Variants in TEX36 observed in about 807,000 individuals in gnomAD.
TEX36 encodes testis expressed 36, also known as testis-expressed protein 36.
TEX36 carries 12 observed loss-of-function variants against 13.6 expected under a neutral mutation model. The observed-to-expected ratio is 0.88, with a 90% CI of 0.56 to 1.43. The LOEUF (loss-of-function observed/expected upper bound fraction) is 1.43. Among genes scored for constraint, TEX36 ranks in the 40% most tolerant of loss-of-function variants. TEX36 has a pLI of 0.00. For synonymous variants in TEX36, 93 were observed against 83.0 expected (o/e 1.12, Z -0.65); for missense variants, 224 against 228.3 (o/e 0.98, Z 0.12).
intron 1 of TEX36, 117 bp from the exon 2 acceptor site, chr10:125,662,094 T>C: frequency 7.7e-7 from 1 of 1,298,664 alleles, no homozygotes; most frequent in Non-Finnish European, 1.0e-6. Flanking sequence ...TGGCATGCAA[T>C]GGAAATGGCA....
At chr10:125,652,248 A>G (rs1004176176), downstream of TEX36, among the ~76,000 whole-genome samples, 4 of 151,910 alleles carry the variant, frequency 2.6e-5, no homozygotes, top group African/African-American at 7.2e-5. Context: ...GAACTATACT[A>G]CAAGTAACCA....
rs144902097 is a variant in TEX36 at position 125,661,256 on chromosome 10, G to C, written c.184-155C>G. On this transcript the variant is annotated intron_variant, in intron 2 of 3. Transcript: ENST00000368821. The stretch of plus-strand genomic sequence containing the variant: ...CCCAGAGATGGAGCAGACACAGGAG[G>C]GGGAGGATATCCACGTGCTCATCAG... 6.8e-3 allele frequency among the ~76,000 whole-genome samples: 1,032 copies of C among 152,272 alleles called. 15 individuals carry two copies. Among genetic ancestry groups the C allele is most frequent in the African/African-American group, 0.024 (989 of 41,558 alleles).
intron 1 of TEX36, among the ~76,000 whole-genome samples, chr10:125,668,245 T>G (rs1171766701): frequency 2.6e-5 from 4 of 152,174 alleles, no homozygotes; most frequent in Non-Finnish European, 5.9e-5. Context: ...CAATTGGTAT[T>G]TGGGTTTTGT....
chr10:125,679,138 A>ACCCCCCCCCCCCCCCCCCCCCCC lies in TEX36; in HGVS notation c.51+3800_51+3801insGGGGGGGGGGGGGGGGGGGGGGG, dbSNP rs752996338. On this transcript the variant is annotated intron_variant, in intron 1 of 3. Coordinates refer to ENST00000368821, the MANE Select transcript of TEX36 (RefSeq NM_001128202.3). Reference sequence around the variant, plus strand: ...TCCCCTTGGCTCTGGCTACAGGAGCACCCCCCCCGCCCCCGCCAAGCTGAC... The same window carrying ACCCCCCCCCCCCCCCCCCCCCCC: ...TCCCCTTGGCTCTGGCTACAGGAGCACCCCCCCCCCCCCCCCCCCCCCCCCCCCCCCGCCCCCGCCAAGCTGAC... Among the ~76,000 whole-genome samples the ACCCCCCCCCCCCCCCCCCCCCCC allele has an allele frequency of 1.8e-5, 2 of 111,104 alleles. 1 individual carries two copies. Among genetic ancestry groups the ACCCCCCCCCCCCCCCCCCCCCCC allele is most frequent in the African/African-American group, 9.3e-5 (2 of 21,548 alleles). The allele number at this position is 111,104 out of a possible 152,430, so 72.9% of individuals were successfully genotyped here.
Position 125,676,452 on chromosome 10 carries a change from G to A in TEX36, c.51+6487C>T, listed in dbSNP as rs1212469810. On this transcript the variant is annotated intron_variant, in intron 1 of 3. Coordinates refer to ENST00000368821, the MANE Select transcript of TEX36 (RefSeq NM_001128202.3). ...TGTTGTGCACTTTTGTTTTCCATTT[G>A]CATGGAATATCTTTTTATCATGACT... Among the ~76,000 whole-genome samples the A allele has an allele frequency of 4.0e-5, 6 of 151,880 alleles. 1 individual carries two copies. In the South Asian group the frequency reaches 1.2e-3, roughly 32 times the overall value.
rs572254704 is a variant in TEX36, at chr10:125,680,660, G to A, written c.51+2279C>T. On this transcript the variant is annotated intron_variant, in intron 1 of 3. Coordinates refer to ENST00000368821, the MANE Select transcript of TEX36 (RefSeq NM_001128202.3). ...CAATTACGGTCCTCCCAAATGGGCTGCAGCTGACTCAAAGCCAATAATTTC... is the reference window on the plus strand; with the variant it reads ...CAATTACGGTCCTCCCAAATGGGCTACAGCTGACTCAAAGCCAATAATTTC... Among the ~76,000 whole-genome samples the A allele has an allele frequency of 1.9e-4, 29 of 152,316 alleles. No individual in the cohort carries two copies. The South Asian group carries it at 5.8e-3, about 30-fold the overall frequency.
chr10:125,601,642 G>A (rs1451932120), intron 3 of TEX36, among the ~76,000 whole-genome samples: 2 of 152,214 alleles, frequency 1.3e-5, no homozygotes, highest in Non-Finnish European at 2.9e-5. Context: ...GGTGCACACT[G>A]CTTCCAGTTG....
intron 3 of TEX36, among the ~76,000 whole-genome samples, chr10:125,591,465 C>A (rs546074562): frequency 4.6e-5 from 7 of 152,016 alleles, no homozygotes; most frequent in African/African-American, 1.7e-4. Flanking sequence ...AAGATCTTCC[C>A]GCAGTGGGAA....
chr10:125,653,602 G>A (rs955960471), downstream of TEX36, among the ~76,000 whole-genome samples: 10 of 151,976 alleles, frequency 6.6e-5, no homozygotes, highest in South Asian at 6.2e-4. Flanking sequence ...AAACCTGCAC[G>A]TTGTGCACAT....
intron 3 of TEX36, among the ~76,000 whole-genome samples, chr10:125,626,774 T>C (rs297244): frequency 0.22 from 33,339 of 152,026 alleles, 5,772 homozygotes; most frequent in African/African-American, 0.48. Flanking sequence ...CACCGAACAC[T>C]ACAGTCATCC....
chr10:125,669,461 CA>C (rs1328794889), intron 1 of TEX36, among the ~76,000 whole-genome samples: 1 of 151,356 alleles, frequency 6.6e-6, no homozygotes, highest in Non-Finnish European at 1.5e-5. Context: ...GCCTGGGCAA[CA>C]AGAGTGAAAC....
chr10:125,578,999 AT>A (rs1220057725), intron 3 of TEX36, among the ~76,000 whole-genome samples: 1 of 152,176 alleles, frequency 6.6e-6, no homozygotes, highest in Non-Finnish European at 1.5e-5. Flanking sequence ...GCCTTGGCAC[AT>A]GCTCATGCCT....
At chr10:125,668,762 G>A (rs555781487) in intron 1 of TEX36, among the ~76,000 whole-genome samples, 97 of 152,082 alleles carry the variant, frequency 6.4e-4, no homozygotes, top group Non-Finnish European at 1.1e-3. Flanking sequence ...CTAATGCTGG[G>A]TTTGGTTTAT....
At chr10:125,673,034 T>C (rs1847258185) in intron 1 of TEX36, among the ~76,000 whole-genome samples, 3 of 152,198 alleles carry the variant, frequency 2.0e-5, no homozygotes, top group Non-Finnish European at 4.4e-5. Context: ...GCACGTGAGA[T>C]GGGTCTCTTG....
downstream of TEX36, among the ~76,000 whole-genome samples, chr10:125,651,055 T>C (rs1297101953): frequency 6.6e-6 from 1 of 152,222 alleles, no homozygotes; most frequent in Non-Finnish European, 1.5e-5. Context: ...CACAGCCGAA[T>C]TCTACCAGAG....
At chr10:125,663,418 T>C (rs772871918) in intron 1 of TEX36, among the ~76,000 whole-genome samples, 7 of 152,230 alleles carry the variant, frequency 4.6e-5, no homozygotes, top group Non-Finnish European at 1.0e-4. Context: ...TACTCAGTAG[T>C]AGCATTGCTG....
intron 3 of TEX36, among the ~76,000 whole-genome samples, chr10:125,633,895 G>A (rs1476519589): frequency 1.3e-5 from 2 of 152,188 alleles, no homozygotes; most frequent in African/African-American, 4.8e-5. Context: ...GCATGCCGAT[G>A]AGTAATTAGG....
intron 3 of TEX36, among the ~76,000 whole-genome samples, chr10:125,622,678 T>G (rs1048721377): frequency 7.2e-5 from 11 of 152,218 alleles, no homozygotes; most frequent in African/African-American, 2.4e-4. Flanking sequence ...CCATTGACCT[T>G]AATCCCAGGG....
At chr10:125,599,139 A>G (rs1313935978) in intron 3 of TEX36, among the ~76,000 whole-genome samples, 1 of 152,244 alleles carries the variant, frequency 6.6e-6, no homozygotes, top group Non-Finnish European at 1.5e-5. Context: ...ATTATAAAAT[A>G]TAACCACATT....
Sources: gnomAD v4.1 joint callset for allele counts (sites outside exome capture counted in the v4.1 genomes callset) on GRCh38, gnomAD v4.1.1 for gene constraint, MANE v1.5 for transcripts, NCBI Gene and HGNC (gene_info 2026-07-23, HGNC 2026-07-21) for gene names.